The following CDH12 variants were observed in gnomAD, a reference collection of about 807,000 sequenced individuals.
CDH12 encodes the protein cadherin 12.
In CDH12, 41 loss-of-function variants were observed where a neutral mutation model predicts 74.1. That is an observed-to-expected ratio of 0.55 (90% CI 0.43 to 0.72). The LOEUF (loss-of-function observed/expected upper bound fraction) is 0.72. CDH12 is among the 30% of genes least tolerant of loss of function. The probability of loss-of-function intolerance (pLI) is 0.00; values close to 1 mark genes in which losing one functional copy is unlikely to be tolerated. For synonymous variants in CDH12, 399 were observed against 355.0 expected (o/e 1.12, Z -1.39); for missense variants, 945 against 977.2 (o/e 0.97, Z 0.44).
At chr5:21,879,150 T>C (rs574112320) in intron 6 of CDH12, among the ~76,000 whole-genome samples, 2 of 152,326 alleles carry the variant, frequency 1.3e-5, no homozygotes, top group East Asian at 1.9e-4. Context: ...GGAGTTACAG[T>C]ATAGTAATCA....
intron 1 of CDH12, among the ~76,000 whole-genome samples, chr5:22,801,084 G>T (rs1237894937): frequency 6.6e-6 from 1 of 152,140 alleles, no homozygotes; most frequent in Non-Finnish European, 1.5e-5. Flanking sequence ...GGATCATATG[G>T]TAAGAGTAAG....
intron 3 of CDH12, among the ~76,000 whole-genome samples, chr5:22,347,071 T>C (rs1740147745): frequency 6.6e-6 from 1 of 152,226 alleles, no homozygotes; most frequent in Non-Finnish European, 1.5e-5. Context: ...ATAAAAGTGA[T>C]TGTTGCTATA....
At chr5:22,110,464 T>C (rs1277708245) in intron 4 of CDH12, among the ~76,000 whole-genome samples, 1 of 151,300 alleles carries the variant, frequency 6.6e-6, no homozygotes, top group Non-Finnish European at 1.5e-5. Context: ...TCAAAGGTAA[T>C]TTGGGGGAAG....
At chr5:22,109,916 G>A (rs1050821642) in intron 4 of CDH12, among the ~76,000 whole-genome samples, 10 of 152,094 alleles carry the variant, frequency 6.6e-5, no homozygotes, top group East Asian at 5.8e-4. Flanking sequence ...CAGGAAAACC[G>A]AAAGAAGTAG....
At chr5:21,765,265 C>CT (rs1744958186) in intron 11 of CDH12, among the ~76,000 whole-genome samples, 166 bp from the exon 12 acceptor site, 1 of 151,932 alleles carries the variant, frequency 6.6e-6, no homozygotes, top group Non-Finnish European at 1.5e-5. Context: ...ATAAAGGATC[C>CT]TTTTTATCTT....
intron 6 of CDH12, among the ~76,000 whole-genome samples, chr5:21,959,776 A>C (rs1283856489): frequency 7.1e-6 from 1 of 141,514 alleles, no homozygotes; most frequent in East Asian, 2.0e-4. Context: ...AAAAAAAAAA[A>C]TTAGCTGGGC....
intron 1 of CDH12, among the ~76,000 whole-genome samples, chr5:22,841,436 T>C (rs948121318): frequency 6.6e-6 from 1 of 152,120 alleles, no homozygotes; most frequent in African/African-American, 2.4e-5. Flanking sequence ...ACGTGTGAAT[T>C]TGGAATGTCT....
chr5:22,715,804 A>T (rs1159551203), intron 1 of CDH12, among the ~76,000 whole-genome samples: 1 of 80,260 alleles, frequency 1.2e-5, no homozygotes, highest in Non-Finnish European at 3.0e-5. Context: ...CCATCTAAAA[A>T]AAAAAAAAAA....
At chr5:22,480,582 CAA>C (rs10712028) in intron 2 of CDH12, among the ~76,000 whole-genome samples, 1,689 of 137,314 alleles carry the variant, frequency 0.012, 10 homozygotes, top group African/African-American at 0.023. Flanking sequence ...AGCCCTATCT[CAA>C]AAAAAAAAAA....
intron 3 of CDH12, among the ~76,000 whole-genome samples, chr5:22,321,736 A>T (rs1374451189): frequency 6.6e-6 from 1 of 152,142 alleles, no homozygotes; most frequent in African/African-American, 2.4e-5. Flanking sequence ...TGGAATTAAA[A>T]TTTTTATTTT....
chr5:22,425,948 G>T (rs1743913230), intron 2 of CDH12, among the ~76,000 whole-genome samples: 3 of 151,814 alleles, frequency 2.0e-5, no homozygotes, highest in African/African-American at 4.8e-5. Flanking sequence ...CTATTGTTTG[G>T]GAGGCTGAGG....
At chr5:22,162,888 T>C (rs1441245126) in intron 4 of CDH12, among the ~76,000 whole-genome samples, 1 of 127,662 alleles carries the variant, frequency 7.8e-6, no homozygotes, top group African/African-American at 2.8e-5. Flanking sequence ...CTCTTCCCTC[T>C]GACTTTTTTT....
At chr5:22,696,560 T>C (rs931498142) in intron 1 of CDH12, among the ~76,000 whole-genome samples, 6 of 152,244 alleles carry the variant, frequency 3.9e-5, no homozygotes, top group African/African-American at 1.4e-4. Flanking sequence ...AAGACTAATA[T>C]ATATTTTTTC....
chr5:21,946,734 C>CT (rs1451366675), intron 6 of CDH12, among the ~76,000 whole-genome samples: 2 of 152,146 alleles, frequency 1.3e-5, no homozygotes, highest in African/African-American at 4.8e-5. Flanking sequence ...GCTGAGCTGT[C>CT]TTAACATTAT....
chr5:22,508,423 A>G (rs1012500973), intron 1 of CDH12, among the ~76,000 whole-genome samples: 2 of 152,170 alleles, frequency 1.3e-5, no homozygotes, highest in Non-Finnish European at 2.9e-5. Context: ...CCATATGTTG[A>G]ACTGGCCCTG....
chr5:22,633,969 G>C (rs1738708089), intron 1 of CDH12, among the ~76,000 whole-genome samples: 1 of 152,116 alleles, frequency 6.6e-6, no homozygotes, highest in Non-Finnish European at 1.5e-5. Flanking sequence ...TGTATAAGAA[G>C]AGGAAAGGAA....
chr5:21,945,427 CAAAAAAAAAAAA>C (rs1167475672), intron 6 of CDH12, among the ~76,000 whole-genome samples: 29 of 15,532 alleles, frequency 1.9e-3, no homozygotes, highest in Admixed American at 5.1e-3. Context: ...CTGTTTCAGA[CAAAAAAAAAAAA>C]AAAAAAAAAA....
intron 3 of CDH12, among the ~76,000 whole-genome samples, chr5:22,345,495 G>T (rs1561331214): frequency 6.6e-6 from 1 of 151,942 alleles, no homozygotes; most frequent in Non-Finnish European, 1.5e-5. Context: ...TTAACTTATG[G>T]TCAGAACTTG....
At chr5:22,006,068 C>A (rs1190438426) in intron 5 of CDH12, among the ~76,000 whole-genome samples, 2 of 152,168 alleles carry the variant, frequency 1.3e-5, no homozygotes, top group Non-Finnish European at 2.9e-5. Flanking sequence ...ATCCCACTGA[C>A]CTGATTTTCT....
Sources: gnomAD v4.1 joint callset for allele counts (sites outside exome capture counted in the v4.1 genomes callset) on GRCh38, gnomAD v4.1.1 for gene constraint, MANE v1.5 for transcripts, NCBI Gene and HGNC (gene_info 2026-07-23, HGNC 2026-07-21) for gene names.